Variants in KCND2 observed in about 807,000 individuals in gnomAD.
The protein encoded by KCND2 is potassium voltage-gated channel subfamily D member 2.
Under a neutral mutation model 54.4 loss-of-function variants are expected in KCND2, and 16 were observed. That is an observed-to-expected ratio of 0.29 (90% CI 0.20 to 0.45). The LOEUF (loss-of-function observed/expected upper bound fraction) is 0.45, where lower values mean the gene tolerates loss of function less well. Among genes scored for constraint, KCND2 ranks in the 20% least tolerant of loss-of-function variants. The pLI is 1.00. For missense variants in KCND2, 486 were observed against 824.2 expected, an observed-to-expected ratio of 0.59 and a Z score of 5.02; for synonymous variants, 317 against 310.7, an observed-to-expected ratio of 1.02 and a Z score of -0.21.
At chr7:120,376,149 T>C (rs865979279) in intron 1 of KCND2, among the ~76,000 whole-genome samples, 1 of 151,908 alleles carries the variant, frequency 6.6e-6, no homozygotes, top group African/African-American at 2.4e-5. Context: ...TCTTTAATAG[T>C]TTGAAACTAT....
chr7:120,630,169 T>C (rs1447418507), intron 1 of KCND2, among the ~76,000 whole-genome samples: 1 of 151,774 alleles, frequency 6.6e-6, no homozygotes, highest in Admixed American at 6.6e-5. Flanking sequence ...AGATAAGTAG[T>C]TAGCAAGTCG....
At chr7:120,386,549 T>A (rs915449638) in intron 1 of KCND2, among the ~76,000 whole-genome samples, 1 of 152,170 alleles carries the variant, frequency 6.6e-6, no homozygotes, top group Non-Finnish European at 1.5e-5. Context: ...CAATTAGCAA[T>A]GCTTCTTAAA....
At chr7:120,427,387 C>T (rs1031081722) in intron 1 of KCND2, among the ~76,000 whole-genome samples, 15 of 152,116 alleles carry the variant, frequency 9.9e-5, no homozygotes, top group Admixed American at 6.5e-4. Context: ...ATCATTCAGC[C>T]GGTCAGTCAA....
chr7:120,460,516 G>C (rs1489217648), intron 1 of KCND2, among the ~76,000 whole-genome samples: 1 of 148,618 alleles, frequency 6.7e-6, no homozygotes, highest in African/African-American at 2.5e-5. Context: ...GGCATCCTTA[G>C]GTTACTAAAA....
At chr7:120,467,652 G>T (rs913318646) in intron 1 of KCND2, among the ~76,000 whole-genome samples, 1 of 152,108 alleles carries the variant, frequency 6.6e-6, no homozygotes, top group African/African-American at 2.4e-5. Flanking sequence ...ATGGTCAATT[G>T]GAGGTCGCTT....
chr7:120,363,171 C>A (rs1246706788), intron 1 of KCND2, among the ~76,000 whole-genome samples: 1 of 152,042 alleles, frequency 6.6e-6, no homozygotes, highest in Non-Finnish European at 1.5e-5. Flanking sequence ...TGGTGCATGC[C>A]TGTAGTCATA....
At chr7:120,497,985 A>G (rs1802874588) in intron 1 of KCND2, among the ~76,000 whole-genome samples, 1 of 152,228 alleles carries the variant, frequency 6.6e-6, no homozygotes, top group African/African-American at 2.4e-5. Context: ...TAATGGAATG[A>G]CAATAGAGGA....
chr7:120,706,126 G>A (rs1792465499), intron 1 of KCND2, among the ~76,000 whole-genome samples: 1 of 152,040 alleles, frequency 6.6e-6, no homozygotes. Context: ...CATAAAACCA[G>A]TACAAAAGGT....
intron 1 of KCND2, among the ~76,000 whole-genome samples, chr7:120,636,466 T>G (rs1364603077): frequency 1.3e-5 from 2 of 152,150 alleles, no homozygotes; most frequent in East Asian, 3.8e-4. Flanking sequence ...ATGTTTGCTG[T>G]GGATGCTATT....
At chr7:120,464,016 T>C in intron 1 of KCND2, 1 of 962,192 alleles carries the variant, frequency 1.0e-6, no homozygotes, top group African/African-American at 1.8e-5. Context: ...TTCTTAGTTT[T>C]GTTTTTTTTT....
chr7:120,393,931 AAG>A (rs1801114304), intron 1 of KCND2, among the ~76,000 whole-genome samples: 1 of 152,064 alleles, frequency 6.6e-6, no homozygotes, highest in African/African-American at 2.4e-5. Flanking sequence ...AACATATCAT[AAG>A]AGAGAGAAAA....
chr7:120,717,651 C>T (rs1284190334), intron 1 of KCND2, among the ~76,000 whole-genome samples: 2 of 152,036 alleles, frequency 1.3e-5, no homozygotes, highest in Admixed American at 6.6e-5. Context: ...CAGCAACTTA[C>T]TCCACCTACT....
chr7:120,532,392 G>T (rs1791853874), intron 1 of KCND2, among the ~76,000 whole-genome samples: 1 of 151,698 alleles, frequency 6.6e-6, no homozygotes, highest in African/African-American at 2.4e-5. Flanking sequence ...TAAGCCTATA[G>T]TTATAAATAA....
intron 1 of KCND2, among the ~76,000 whole-genome samples, chr7:120,560,736 T>G (rs917144319): frequency 1.3e-5 from 2 of 152,158 alleles, no homozygotes; most frequent in East Asian, 3.9e-4. Flanking sequence ...TTCTCCTGCT[T>G]GAAATTTTCT....
chr7:120,495,864 G>A (rs1001247653), intron 1 of KCND2, among the ~76,000 whole-genome samples: 2 of 152,088 alleles, frequency 1.3e-5, no homozygotes, highest in African/African-American at 2.4e-5. Flanking sequence ...TCTGGGCTTT[G>A]AAAAAGTAAA....
At chr7:120,668,091 G>T (rs1328362796) in intron 1 of KCND2, among the ~76,000 whole-genome samples, 1 of 151,840 alleles carries the variant, frequency 6.6e-6, no homozygotes, top group African/African-American at 2.4e-5. Flanking sequence ...ATTCACTGAA[G>T]CACTCTCAAA....
intron 1 of KCND2, among the ~76,000 whole-genome samples, chr7:120,676,052 G>C (rs1792057170): frequency 1.3e-5 from 2 of 151,796 alleles, no homozygotes; most frequent in South Asian, 4.2e-4. Flanking sequence ...TGGCCAAGCT[G>C]GTCTTGAACT....
intron 1 of KCND2, among the ~76,000 whole-genome samples, chr7:120,434,256 A>C (rs1216244206): frequency 3.3e-5 from 5 of 152,228 alleles, no homozygotes; most frequent in Non-Finnish European, 2.9e-5. Context: ...TGAGTAAAAC[A>C]CAAGAGGCAT....
At chr7:120,394,643 C>T (rs1801126879) in intron 1 of KCND2, among the ~76,000 whole-genome samples, 1 of 151,954 alleles carries the variant, frequency 6.6e-6, no homozygotes, top group Non-Finnish European at 1.5e-5. Context: ...GGACTATTAT[C>T]ATTGTGTCTT....
Sources: allele counts gnomAD v4.1 joint callset (sites outside exome capture counted in the v4.1 genomes callset), GRCh38; gene constraint gnomAD v4.1.1; transcripts MANE v1.5; gene names NCBI Gene and HGNC (gene_info 2026-07-23, HGNC 2026-07-21).